PBX4: variants seen among roughly 807,000 people sequenced by gnomAD.
The protein encoded by PBX4 is PBX homeobox 4.
In PBX4, 26 loss-of-function variants were observed where a neutral mutation model predicts 35.1. That is an observed-to-expected ratio of 0.74 (90% confidence interval 0.54 to 1.03). The LOEUF (loss-of-function observed/expected upper bound fraction) is 1.03. Among genes scored for constraint, PBX4 ranks in the 50% least tolerant of loss-of-function variants. The pLI is 0.00. For missense variants in PBX4, 448 were observed against 504.3 expected (o/e 0.89, Z 1.07); for synonymous variants, 199 against 204.2 (o/e 0.97, Z 0.22).
chr19:19,569,542 C>A lies in PBX4; in HGVS notation c.675G>T (p.Leu225=). ...TCAGATGGGAGTAAAAATACTCATT[C>A]AGCACTTCCGTCGCCTGCTTGCTGA... ...RNFSKQATEV[L]NEYFYSHLNN... is the part of the protein sequence containing the mutation. The change falls in exon 5 of 8, where the codon CTG becomes CTT. Residue 225 remains leucine (L), a synonymous_variant. Transcript: ENST00000251203. 2.5e-6 allele frequency: 4 copies of A among 1,613,870 alleles called. No individual in the cohort carries two copies. Among genetic ancestry groups the A allele is most frequent in the Non-Finnish European group, 2.5e-6 (3 of 1,179,888 alleles).
intron 2 of PBX4, among the ~76,000 whole-genome samples, chr19:19,592,068 G>T (rs1011329630): frequency 6.6e-6 from 1 of 151,892 alleles, no homozygotes; most frequent in African/African-American, 2.4e-5. Context: ...GAGGGAGGTG[G>T]GGGGGTGGTT....
chr19:19,564,043 C>T (rs1302541206), intron 6 of PBX4, among the ~76,000 whole-genome samples: 1 of 151,570 alleles, frequency 6.6e-6, no homozygotes, highest in Non-Finnish European at 1.5e-5. Context: ...GCACAATGTG[C>T]AGGTTTGTTA....
At chr19:19,602,491 T>C (rs538333412) in intron 1 of PBX4, among the ~76,000 whole-genome samples, 2 of 152,302 alleles carry the variant, frequency 1.3e-5, no homozygotes, top group African/African-American at 4.8e-5. Flanking sequence ...CTTACTCTGT[T>C]GCCCAGGCTG....
intron 1 of PBX4, among the ~76,000 whole-genome samples, chr19:19,613,105 G>A (rs1041051953): frequency 6.6e-6 from 1 of 151,772 alleles, no homozygotes; most frequent in Non-Finnish European, 1.5e-5. Context: ...TTACAGGCGT[G>A]AGCCACTGCA....
intron 2 of PBX4, among the ~76,000 whole-genome samples, chr19:19,578,302 T>C (rs28529538): frequency 0.013 from 1,945 of 152,292 alleles, 44 homozygotes; most frequent in African/African-American, 0.044. Context: ...CATCAGTCCA[T>C]GCTGGGGACA....
intron 2 of PBX4, among the ~76,000 whole-genome samples, chr19:19,585,186 G>A (rs1169246234): frequency 3.3e-5 from 5 of 151,942 alleles, no homozygotes; most frequent in African/African-American, 1.2e-4. Context: ...TTAGCTGGGC[G>A]TGGTAGTGCA....
At chr19:19,618,413 G>T in intron 1 of PBX4, 98 bp downstream of exon 1, 1 of 1,140,122 alleles carries the variant, frequency 8.8e-7, no homozygotes, top group Non-Finnish European at 1.1e-6. Context: ...CCCTCCTCAA[G>T]CGCCCCTCGT....
chr19:19,578,263 G>A (rs902389664), intron 2 of PBX4, among the ~76,000 whole-genome samples: 5 of 151,756 alleles, frequency 3.3e-5, no homozygotes, highest in East Asian at 1.9e-4. Context: ...CTAAGTTACC[G>A]AGGAGAAACG....
rs1026855272 is a variant in PBX4, at chr19:19,563,014, CCA to C, written c.1032+493_1032+494del. 6.6e-6 allele frequency among the ~76,000 whole-genome samples: 1 copy of C among 152,194 alleles called. No homozygotes were observed. The highest frequency in any genetic ancestry group is 1.5e-5 in the Non-Finnish European group (1 of 68,014). On this transcript the variant is annotated intron_variant, in intron 7 of 7. Coordinates refer to ENST00000251203, the MANE Select transcript of PBX4 (RefSeq NM_025245.3). This position sits in a 1 kb window ranked among gnomAD's most constrained non-coding sequence, Gnocchi z 5.1. ...CGGCTCTGCAGTGCCCTGGCACACA[CCA>C]CACACACAGCCTCGTGCCTGTGCTG... is the stretch of plus-strand genomic sequence containing the variant.
At chr19:19,572,118 A>G (rs971876522) in intron 2 of PBX4, among the ~76,000 whole-genome samples, 1 of 109,646 alleles carries the variant, frequency 9.1e-6, no homozygotes, top group Non-Finnish European at 1.7e-5. Context: ...TCTGTCACCT[A>G]GGCTGGGGTG....
At chr19:19,605,774 A>G (rs2061627283) in intron 1 of PBX4, among the ~76,000 whole-genome samples, 1 of 151,704 alleles carries the variant, frequency 6.6e-6, no homozygotes, top group African/African-American at 2.4e-5. Flanking sequence ...TGGCCTGGAA[A>G]CTTAATTTTA....
intron 2 of PBX4, chr19:19,588,326 C>T (rs1372479119): frequency 1.3e-5 from 15 of 1,119,732 alleles, no homozygotes; most frequent in African/African-American, 3.1e-5. Flanking sequence ...TCACAGATAA[C>T]ACATTTGCCA....
At chr19:19,594,128 G>A (rs896992118) in intron 2 of PBX4, among the ~76,000 whole-genome samples, 7 of 151,370 alleles carry the variant, frequency 4.6e-5, no homozygotes, top group Non-Finnish European at 7.4e-5. Flanking sequence ...AAATGTCGCC[G>A]GGCATGGTGG....
At chr19:19,579,596 C>T (rs369872080) in intron 2 of PBX4, among the ~76,000 whole-genome samples, 2 of 152,192 alleles carry the variant, frequency 1.3e-5, no homozygotes, top group African/African-American at 2.4e-5. Flanking sequence ...AAGTGGGAAC[C>T]ATCTCTGGGA....
At chr19:19,573,725 T>C (rs2061401778) in intron 2 of PBX4, among the ~76,000 whole-genome samples, 1 of 147,984 alleles carries the variant, frequency 6.8e-6, no homozygotes, top group African/African-American at 2.4e-5. Flanking sequence ...CAACTCTATT[T>C]TCCTTTTTTT....
At chr19:19,576,388 G>A (rs1239578321) in intron 2 of PBX4, among the ~76,000 whole-genome samples, 1 of 152,084 alleles carries the variant, frequency 6.6e-6, no homozygotes, top group African/African-American at 2.4e-5. Context: ...ACCATGCCCA[G>A]CTAATTTTTG....
At chr19:19,604,466 C>CAAAAAAAAAAAAAAAAA (rs753893364) in intron 1 of PBX4, among the ~76,000 whole-genome samples, 4 of 72,092 alleles carry the variant, frequency 5.5e-5, no homozygotes, top group African/African-American at 6.5e-5. Flanking sequence ...GATTCCATCT[C>CAAAAAAAAAAAAAAAAA]AAAAAAAAAA....
intron 2 of PBX4, among the ~76,000 whole-genome samples, chr19:19,595,638 G>A (rs1038527898): frequency 2.0e-5 from 3 of 151,958 alleles, no homozygotes; most frequent in African/African-American, 7.3e-5. Context: ...AGGAAGCCAG[G>A]GGCATCACAG....
At chr19:19,577,247 C>A (rs1364320863) in intron 2 of PBX4, among the ~76,000 whole-genome samples, 1 of 151,548 alleles carries the variant, frequency 6.6e-6, no homozygotes, top group East Asian at 1.9e-4. Flanking sequence ...TGTGCCTTTC[C>A]ATTTACTCTT....
Sources: gnomAD v4.1 joint callset for allele counts (sites outside exome capture counted in the v4.1 genomes callset) on GRCh38, gnomAD v4.1.1 for gene constraint, Gnocchi (gnomAD v3.1) non-coding constraint, MANE v1.5 for transcripts, NCBI Gene and HGNC (gene_info 2026-07-23, HGNC 2026-07-21) for gene names.